NIPA1: variants seen among roughly 807,000 people sequenced by gnomAD.
NIPA1 encodes the protein NIPA magnesium transporter 1.
A neutral mutation model predicts 23.9 loss-of-function variants in NIPA1; 13 were observed. The observed-to-expected ratio is 0.54, with a 90% confidence interval of 0.35 to 0.87. The LOEUF is 0.87. NIPA1 is among the 40% of genes least tolerant of loss of function. The pLI is 0.01. For synonymous variants in NIPA1, 234 were observed against 202.9 expected (o/e 1.15, Z -1.30); for missense variants, 362 against 429.7 (o/e 0.84, Z 1.39).
intron 4 of NIPA1, 48 bp from the exon 5 acceptor site, chr15:22,823,680 G>A (rs765739370): frequency 1.0e-5 from 16 of 1,560,506 alleles, no homozygotes; most frequent in Admixed American, 3.7e-5. Flanking sequence ...CCTGGGTTGC[G>A]GCTGCTAGGC....
chr15:22,794,840 C>G (rs1310143842), intron 1 of NIPA1, among the ~76,000 whole-genome samples: 1 of 152,136 alleles, frequency 6.6e-6, no homozygotes, highest in Non-Finnish European at 1.5e-5. Context: ...GAGGTCATTG[C>G]CCCTTGTGTG....
intron 1 of NIPA1, among the ~76,000 whole-genome samples, chr15:22,794,628 G>T (rs1025856988): frequency 6.6e-6 from 1 of 152,126 alleles, no homozygotes; most frequent in African/African-American, 2.4e-5. Context: ...GTTGTCTCGT[G>T]AGAGTGTAAA....
intron 1 of NIPA1, among the ~76,000 whole-genome samples, chr15:22,798,664 C>T (rs1239213961): frequency 1.3e-5 from 2 of 149,048 alleles, no homozygotes; most frequent in Non-Finnish European, 3.0e-5. Flanking sequence ...CTGGCCAACA[C>T]GGTGAATCCC....
intron 1 of NIPA1, among the ~76,000 whole-genome samples, chr15:22,791,673 A>G (rs1294530331): frequency 6.6e-6 from 1 of 151,712 alleles, no homozygotes; most frequent in East Asian, 1.9e-4. Flanking sequence ...GAGTAGAGGC[A>G]GGGTTTCACC....
chr15:22,802,391 C>A (rs80206843), intron 1 of NIPA1, among the ~76,000 whole-genome samples: 3,075 of 113,972 alleles, frequency 0.027, no homozygotes, highest in African/African-American at 0.032. Context: ...GACTCTGTCT[C>A]AAAAAAAAAA....
chr15:22,814,679 A>G (rs1423515607), intron 3 of NIPA1, among the ~76,000 whole-genome samples: 1 of 152,226 alleles, frequency 6.6e-6, no homozygotes, highest in South Asian at 2.1e-4. Flanking sequence ...TAATAGTGTA[A>G]TGTATGATAA....
At chr15:22,812,319 T>C in intron 3 of NIPA1, 66 bp downstream of exon 3, 2 of 1,237,032 alleles carry the variant, frequency 1.6e-6, no homozygotes, top group Non-Finnish European at 2.4e-6. Context: ...TCATTTTAAA[T>C]GTTTCTGTTA....
intron 1 of NIPA1, among the ~76,000 whole-genome samples, chr15:22,807,174 C>G (rs561927148): frequency 1.1e-3 from 166 of 152,290 alleles, no homozygotes; most frequent in Non-Finnish European, 1.8e-3. Context: ...CTTTGCCATT[C>G]CTGTGTACCT....
chr15:22,795,356 T>C (rs1256700827), intron 1 of NIPA1, among the ~76,000 whole-genome samples: 7 of 152,072 alleles, frequency 4.6e-5, no homozygotes, highest in Non-Finnish European at 1.0e-4. Flanking sequence ...GATTCTGTGG[T>C]GGACTGGGCT....
chr15:22,805,589 G>A (rs542308628), intron 1 of NIPA1, among the ~76,000 whole-genome samples: 14 of 152,126 alleles, frequency 9.2e-5, no homozygotes, highest in Non-Finnish European at 2.9e-5. Flanking sequence ...AGGAGGCTGA[G>A]GCAGGAGAAC....
chr15:22,797,143 G>A (rs1042294604), intron 1 of NIPA1, among the ~76,000 whole-genome samples: 3 of 150,384 alleles, frequency 2.0e-5, no homozygotes, highest in Admixed American at 6.7e-5. Flanking sequence ...AGGTTCAAGC[G>A]ATTCTTGTGC....
intron 1 of NIPA1, among the ~76,000 whole-genome samples, chr15:22,787,078 C>G (rs1040610289): frequency 2.2e-4 from 33 of 152,088 alleles, no homozygotes; most frequent in African/African-American, 7.0e-4. Flanking sequence ...GGCGCTTCGC[C>G]GACGCCACGG....
In NIPA1 at chr15:22,786,759, G is replaced by C; in HGVS notation, c.103G>C (p.Ala35Pro). 7.6e-7 allele frequency: 1 copy of C among 1,318,330 alleles called. No homozygotes were observed. Among genetic ancestry groups the C allele is most frequent in the Non-Finnish European group, 9.9e-7 (1 of 1,013,302 alleles). 81.7% of individuals were successfully genotyped at this position (1,318,330 alleles called of 1,614,324 possible). ...PAAVSLGLGV[A>P]VVSSLVNGST... ...CGCCGTGTCGCTCGGCCTGGGCGTG[G>C]CCGTCGTGTCGAGCCTGGTGAACGG... Residue 35 changes from alanine (A) to proline (P), a missense_variant, in exon 1 of 5, where the codon GCC (alanine) becomes CCC (proline). Coordinates refer to ENST00000337435, the MANE Select transcript of NIPA1 (RefSeq NM_144599.5).
At chr15:22,798,848 A>AAC (rs1895001179) in intron 1 of NIPA1, among the ~76,000 whole-genome samples, 1 of 151,194 alleles carries the variant, frequency 6.6e-6, no homozygotes, top group African/African-American at 2.4e-5. Context: ...AAAAAAAAAA[A>AAC]AAAAAAAAAA....
chr15:22,794,623 C>T (rs560128263), intron 1 of NIPA1, among the ~76,000 whole-genome samples: 1 of 151,990 alleles, frequency 6.6e-6, no homozygotes, highest in South Asian at 2.1e-4. Flanking sequence ...AGGGAGTTGT[C>T]TCGTGAGAGT....
In NIPA1 at chr15:22,825,287, C is replaced by G. The variant is rs1217814003; in HGVS notation, c.*1048C>G. 6.6e-6 allele frequency: 1 copy of G among 152,144 alleles called. No homozygotes were observed. The highest frequency in any genetic ancestry group is 1.5e-5 in the Non-Finnish European group (1 of 68,026). The allele number at this position is 152,144 out of a possible 1,614,324, so 9.4% of individuals were successfully genotyped here. ...CAAACATAGGAAAGGTACAGTAAAA[C>G]TATGGTATTACAATGTTATGGGACC... On this transcript the variant is annotated 3_prime_UTR_variant, in exon 5 of 5. Coordinates refer to ENST00000337435, the MANE Select transcript of NIPA1 (RefSeq NM_144599.5).
intron 1 of NIPA1, among the ~76,000 whole-genome samples, chr15:22,803,621 G>C (rs1895135533): frequency 7.3e-6 from 1 of 137,800 alleles, no homozygotes; most frequent in Non-Finnish European, 1.5e-5. Flanking sequence ...TGATTCTCCT[G>C]CCTCAGCCTC....
At chr15:22,797,940 G>C (rs970607753) in intron 1 of NIPA1, among the ~76,000 whole-genome samples, 6 of 151,528 alleles carry the variant, frequency 4.0e-5, no homozygotes, top group African/African-American at 1.5e-4. Context: ...CGCCTCCTGG[G>C]TTCATGCCAT....
At chr15:22,787,316 C>G (rs1011532238) in intron 1 of NIPA1, among the ~76,000 whole-genome samples, 8 of 152,176 alleles carry the variant, frequency 5.3e-5, no homozygotes, top group African/African-American at 1.7e-4. Flanking sequence ...AGGGTACGCT[C>G]GGTAGAGCAA....
Sources: gnomAD v4.1 joint callset for allele counts (sites outside exome capture counted in the v4.1 genomes callset) on GRCh38, gnomAD v4.1.1 for gene constraint, MANE v1.5 for transcripts, NCBI Gene and HGNC (gene_info 2026-07-23, HGNC 2026-07-21) for gene names.